ABHD3: variants seen among roughly 807,000 people sequenced by gnomAD.
ABHD3 encodes abhydrolase domain containing 3, phospholipase, also known as phospholipase ABHD3.
In ABHD3, 46 loss-of-function variants were observed where a neutral mutation model predicts 48.8. That is an observed-to-expected ratio of 0.94 (90% CI 0.74 to 1.20). The LOEUF is 1.20. Among genes scored for constraint, ABHD3 ranks in the 50% most tolerant of loss-of-function variants. The probability of loss-of-function intolerance (pLI) is 0.00; values close to 1 mark genes in which losing one functional copy is unlikely to be tolerated. For missense variants in ABHD3, 490 were observed against 497.8 expected, an observed-to-expected ratio of 0.98 and a Z score of 0.15; for synonymous variants, 192 against 183.7, an observed-to-expected ratio of 1.04 and a Z score of -0.36.
In ABHD3 at chr18:21,651,566, C is replaced by A. The variant is rs1470147853; in HGVS notation, c.*25G>T. 2 of 1,612,508 alleles carry A rather than the reference C, an allele frequency of 1.2e-6. No individual in the cohort carries two copies. The highest frequency in any genetic ancestry group is 3.4e-5 in the Admixed American group (2 of 59,670). On this transcript the variant is annotated 3_prime_UTR_variant, in exon 9 of 9. Transcript: ENST00000289119. ...GCTGCCTTCACAATTGTGGTTCAGA[C>A]AAAATGCACCCAAAGAACTACATGT...
chr18:21,699,923 G>A (rs1055933424), intron 3 of ABHD3, among the ~76,000 whole-genome samples: 4 of 152,016 alleles, frequency 2.6e-5, no homozygotes, highest in Non-Finnish European at 5.9e-5. Flanking sequence ...TGATCCGCAT[G>A]CCTCAGCCTG....
Position 21,659,307 on chromosome 18 carries a change from G to C in ABHD3, c.705C>G (p.Ser235=), listed in dbSNP as rs929136397. 2 of 1,612,552 alleles carry C rather than the reference G, an allele frequency of 1.2e-6. No homozygotes were observed. The highest frequency in any genetic ancestry group is 2.7e-5 in the African/African-American group (2 of 74,822). ...LLLNYLGKIG[S]KTPLMAAATF... Reference sequence around the variant, plus strand: ...TTGCAGCTGCCATCAAAGGCGTTTTGGACCCAATTTTGCCCAAGTAATTTA... The same window carrying C: ...TTGCAGCTGCCATCAAAGGCGTTTTCGACCCAATTTTGCCCAAGTAATTTA... The change falls in exon 6 of 9, where the codon TCC becomes TCG. Residue 235 remains serine, a synonymous_variant. Transcript: ENST00000289119.
chr18:21,656,916 T>C lies in ABHD3; in HGVS notation c.1002A>G (p.Val334=). ...DASPSPRLKS[V]GIPVLCLNSV... is the part of the protein sequence containing the mutation. ...AATTTAGACACAATACTGGAATTCC[T>C]ACTGACTTCAGTCTAGGACTCGGAC... is the stretch of plus-strand genomic sequence containing the variant. Residue 334 remains valine, a synonymous_variant, in exon 8 of 9, where the codon GTA becomes GTG. Coordinates refer to ENST00000289119, the MANE Select transcript of ABHD3 (RefSeq NM_138340.5). 6.2e-7 allele frequency: 1 copy of C among 1,613,666 alleles called. No individual in the cohort carries two copies. The highest frequency in any genetic ancestry group is 8.5e-7 in the Non-Finnish European group (1 of 1,179,642).
At chr18:21,664,053 C>T in intron 5 of ABHD3, 65 bp downstream of exon 5, 2 of 1,534,444 alleles carry the variant, frequency 1.3e-6, no homozygotes, top group Non-Finnish European at 8.7e-7. Flanking sequence ...TTATAGTCCT[C>T]TCAAAGAGAC....
At chr18:21,697,787 C>A (rs958044943) in intron 3 of ABHD3, among the ~76,000 whole-genome samples, 1 of 152,192 alleles carries the variant, frequency 6.6e-6, no homozygotes, top group Non-Finnish European at 1.5e-5. Flanking sequence ...TGAATTAGTG[C>A]ACCTTAACAG....
intron 4 of ABHD3, among the ~76,000 whole-genome samples, chr18:21,681,177 A>T (rs2146314770): frequency 6.6e-6 from 1 of 152,262 alleles, no homozygotes; most frequent in Middle Eastern, 3.4e-3. Context: ...CCTGAAGGCC[A>T]GTCCAGTACA....
intron 4 of ABHD3, among the ~76,000 whole-genome samples, chr18:21,682,739 C>A (rs1233351380): frequency 1.3e-5 from 2 of 151,958 alleles, no homozygotes; most frequent in East Asian, 3.8e-4. Context: ...CCATGTCTTC[C>A]CCCCCGGCTT....
At chr18:21,663,566 A>G in intron 5 of ABHD3, 1 of 1,064,666 alleles carries the variant, frequency 9.4e-7, no homozygotes, top group African/African-American at 1.6e-5. Context: ...CAATATCCGT[A>G]TGCTTAAAAT....
chr18:21,656,778 T>C, intron 8 of ABHD3, 83 bp downstream of exon 8: 1 of 1,266,894 alleles, frequency 7.9e-7, no homozygotes, highest in South Asian at 1.7e-5. Context: ...ATGACACATT[T>C]TCTTATTACT....
chr18:21,673,204 C>T (rs1335052785), intron 4 of ABHD3, among the ~76,000 whole-genome samples: 1 of 152,210 alleles, frequency 6.6e-6, no homozygotes, highest in African/African-American at 2.4e-5. Context: ...GTACATTAGA[C>T]TCACCAAGAA....
At chr18:21,666,653 T>C (rs546994519) in intron 4 of ABHD3, among the ~76,000 whole-genome samples, 2 of 152,302 alleles carry the variant, frequency 1.3e-5, no homozygotes, top group African/African-American at 4.8e-5. Flanking sequence ...TCTAATAGTA[T>C]GTATATACAG....
intron 3 of ABHD3, among the ~76,000 whole-genome samples, chr18:21,688,321 A>C (rs1180587154): frequency 1.3e-5 from 2 of 151,826 alleles, no homozygotes; most frequent in African/African-American, 4.8e-5. Context: ...AGAAATGATA[A>C]TCAGCAAAGG....
chr18:21,687,033 C>T (rs1052673675), intron 3 of ABHD3, among the ~76,000 whole-genome samples: 2 of 151,936 alleles, frequency 1.3e-5, no homozygotes, highest in South Asian at 2.1e-4. Context: ...CTCAGCCTCC[C>T]GAGTAGCTGG....
At chr18:21,672,557 G>T (rs2146302285) in intron 4 of ABHD3, among the ~76,000 whole-genome samples, 1 of 152,266 alleles carries the variant, frequency 6.6e-6, no homozygotes, top group Non-Finnish European at 1.5e-5. Flanking sequence ...TGGATAAGAT[G>T]CATTTAAATG....
chr18:21,671,576 G>C (rs2039758599), intron 4 of ABHD3, among the ~76,000 whole-genome samples: 1 of 152,162 alleles, frequency 6.6e-6, no homozygotes, highest in South Asian at 2.1e-4. Flanking sequence ...AATCAGAAGA[G>C]AGACGAAGGA....
intron 8 of ABHD3, 65 bp from the exon 9 acceptor site, chr18:21,651,828 T>A: frequency 1.4e-6 from 2 of 1,423,494 alleles, no homozygotes; most frequent in Non-Finnish European, 1.9e-6. Flanking sequence ...AATCATTATG[T>A]TTTTGTCAGG....
intron 3 of ABHD3, among the ~76,000 whole-genome samples, chr18:21,700,827 C>CAAAAAAAAAAAAAAAAAAAAAAAA (rs375239917): frequency 4.2e-5 from 4 of 94,376 alleles, no homozygotes; most frequent in African/African-American, 1.4e-4. Context: ...AAGTTTTAGC[C>CAAAAAAAAAAAAAAAAAAAAAAAA]AAAAAAAAAA....
chr18:21,677,876 G>C (rs966891531), intron 4 of ABHD3, among the ~76,000 whole-genome samples: 14 of 151,922 alleles, frequency 9.2e-5, no homozygotes, highest in South Asian at 2.1e-4. Flanking sequence ...GTAGAGACAG[G>C]GTTTCACCAT....
At chr18:21,688,763 G>C (rs1200320292) in intron 3 of ABHD3, among the ~76,000 whole-genome samples, 1 of 152,136 alleles carries the variant, frequency 6.6e-6, no homozygotes, top group Non-Finnish European at 1.5e-5. Context: ...GTTAGGACTT[G>C]AAAAACAGTA....
Sources: allele counts gnomAD v4.1 joint callset (sites outside exome capture counted in the v4.1 genomes callset), GRCh38; gene constraint gnomAD v4.1.1; transcripts MANE v1.5; gene names NCBI Gene and HGNC (gene_info 2026-07-23, HGNC 2026-07-21).